The following UBAP1 variants were observed in gnomAD, a reference collection of about 807,000 sequenced individuals.
UBAP1 encodes the protein ubiquitin-associated protein 1.
UBAP1 carries 5 observed loss-of-function variants against 39.0 expected under a neutral mutation model. The ratio of observed to expected loss-of-function variants is 0.13; its 90% CI spans 0.07 to 0.27. The LOEUF (loss-of-function observed/expected upper bound fraction) is 0.27, where lower values mean the gene tolerates loss of function less well. UBAP1 is among the 10% of genes least tolerant of loss of function. The probability of loss-of-function intolerance (pLI) is 1.00; values close to 1 mark genes in which losing one functional copy is unlikely to be tolerated. For synonymous variants in UBAP1, 211 were observed against 225.1 expected (o/e 0.94, Z 0.56); for missense variants, 490 against 608.1 (o/e 0.81, Z 2.04).
At chr9:34,229,222 G>T (rs763039205) in intron 2 of UBAP1, among the ~76,000 whole-genome samples, 1 of 151,814 alleles carries the variant, frequency 6.6e-6, no homozygotes, top group Non-Finnish European at 1.5e-5. Context: ...CTACGTGAAA[G>T]GTAGGCAAGG....
At chr9:34,231,515 A>T (rs1833415778) in intron 2 of UBAP1, among the ~76,000 whole-genome samples, 1 of 150,932 alleles carries the variant, frequency 6.6e-6, no homozygotes, top group East Asian at 2.0e-4. Flanking sequence ...GGCCAAAAGC[A>T]TGTCTTTATT....
At chr9:34,195,266 A>G (rs549200458) in intron 1 of UBAP1, among the ~76,000 whole-genome samples, 1 of 152,198 alleles carries the variant, frequency 6.6e-6, no homozygotes, top group East Asian at 1.9e-4. Context: ...ATCTAAGGTC[A>G]GAAAGATGTT....
At chr9:34,224,470 C>G (rs1033187810) in intron 2 of UBAP1, 2 of 389,014 alleles carry the variant, frequency 5.1e-6, no homozygotes, top group Non-Finnish European at 9.7e-6. Flanking sequence ...CACGGTATTT[C>G]TTGTTACCTC....
At chr9:34,206,589 AAAAC>A (rs903041971) in intron 1 of UBAP1, among the ~76,000 whole-genome samples, 62 of 150,906 alleles carry the variant, frequency 4.1e-4, no homozygotes, top group Admixed American at 1.1e-3. Context: ...ACTTAAAAAA[AAAAC>A]AAACCAAAAC....
chr9:34,219,672 G>A (rs1041097493), intron 1 of UBAP1, among the ~76,000 whole-genome samples: 1 of 141,322 alleles, frequency 7.1e-6, no homozygotes, highest in Admixed American at 7.1e-5. Context: ...GTTTTGTCTT[G>A]TCTCCCTCCC....
intron 1 of UBAP1, among the ~76,000 whole-genome samples, chr9:34,198,205 C>G (rs552486971): frequency 6.6e-6 from 1 of 152,316 alleles, no homozygotes; most frequent in South Asian, 2.1e-4. Context: ...GCAGGCTGTA[C>G]TCTGGAATTT....
intron 1 of UBAP1, among the ~76,000 whole-genome samples, chr9:34,194,535 C>T (rs975110473): frequency 8.6e-5 from 13 of 152,034 alleles, no homozygotes; most frequent in South Asian, 2.1e-4. Flanking sequence ...AGGATGGTCT[C>T]GATCTCCCGA....
chr9:34,204,390 A>G (rs1831569012), intron 1 of UBAP1, among the ~76,000 whole-genome samples: 1 of 152,220 alleles, frequency 6.6e-6, no homozygotes, highest in Non-Finnish European at 1.5e-5. Context: ...AAACAAAAAA[A>G]GGGTGTGGAT....
rs187845513 is a variant in UBAP1, at chr9:34,241,121, T to C, written c.160-64T>C. On this transcript the variant is annotated intron_variant, in intron 3 of 6. Coordinates refer to ENST00000297661, the MANE Select transcript of UBAP1 (RefSeq NM_016525.5). ...GCACCAGGAGTGAGGAAGGAGTGAA[T>C]TGGGTGGTGGGGTAAAGATGGCCAC... is the stretch of plus-strand genomic sequence containing the variant. 7 of 1,205,932 alleles carry C rather than the reference T, an allele frequency of 5.8e-6. No homozygotes were observed. The East Asian group carries it at 7.7e-5, about 13-fold the overall frequency. 74.7% of individuals were successfully genotyped at this position (1,205,932 alleles called of 1,614,324 possible).
chr9:34,238,682 AAG>A (rs1240969985), intron 3 of UBAP1, among the ~76,000 whole-genome samples: 1 of 152,184 alleles, frequency 6.6e-6, no homozygotes, highest in Non-Finnish European at 1.5e-5. Context: ...ATTGGGCCAG[AAG>A]AGAGATAGAC....
At chr9:34,224,356 T>C (rs867639990) in intron 2 of UBAP1, 4 of 451,874 alleles carry the variant, frequency 8.9e-6, no homozygotes, top group Middle Eastern at 6.6e-4. Context: ...GGTCTTGTTA[T>C]GGACCAGCTC....
At chr9:34,230,444 A>G (rs764227235) in intron 2 of UBAP1, among the ~76,000 whole-genome samples, 49 of 152,138 alleles carry the variant, frequency 3.2e-4, no homozygotes, top group South Asian at 6.2e-4. Flanking sequence ...CAAAAGACTT[A>G]ATTGTGTGCT....
At chr9:34,236,904 T>A (rs1280600778) in intron 3 of UBAP1, among the ~76,000 whole-genome samples, 1 of 152,036 alleles carries the variant, frequency 6.6e-6, no homozygotes, top group Non-Finnish European at 1.5e-5. Context: ...GCTCATCACC[T>A]CCTCCATGTT....
chr9:34,179,189 G>A lies in UBAP1; in HGVS notation c.-59G>A. On this transcript the variant is annotated 5_prime_UTR_variant, in exon 1 of 7. Transcript: ENST00000297661. ...AGCGGGGACCGAGCCTGGGAGGCCG[G>A]CCGGTGCCAGCACCTTTCGGCTTCT... 8.1e-7 allele frequency: 1 copy of A among 1,236,816 alleles called. No homozygotes were observed. The highest frequency in any genetic ancestry group is 2.4e-4 in the Middle Eastern group (1 of 4,202). The allele number at this position is 1,236,816 out of a possible 1,614,324, so 76.6% of individuals were successfully genotyped here. A position where few individuals can be genotyped will look rare whatever the true frequency, so the allele number is the denominator to read the frequency against.
At chr9:34,211,704 C>T (rs1426401624) in intron 1 of UBAP1, among the ~76,000 whole-genome samples, 1 of 152,122 alleles carries the variant, frequency 6.6e-6, no homozygotes, top group Non-Finnish European at 1.5e-5. Context: ...ATCCCTGCCT[C>T]CTTCAACTTT....
chr9:34,213,342 C>T (rs1832118039), intron 1 of UBAP1, among the ~76,000 whole-genome samples: 1 of 151,990 alleles, frequency 6.6e-6, no homozygotes. Context: ...GAAACCCCGT[C>T]TCATCTAAAA....
At chr9:34,242,247 C>G in intron 4 of UBAP1, 139 bp downstream of exon 4, 2 of 868,954 alleles carry the variant, frequency 2.3e-6, no homozygotes, top group Non-Finnish European at 3.5e-6. Context: ...TGTGATCGTA[C>G]CTTATTGTAG....
At position 34,189,018 on chromosome 9, in the gene UBAP1, A is replaced by G. The variant is rs146875852; in HGVS notation, c.-8+9778A>G. Reference sequence around the variant, plus strand: ...TGCCTGTCTTTTGCTTCATCTCATCATCATGGTCTTGGTCCCAGGTGGGGT... The same window carrying G: ...TGCCTGTCTTTTGCTTCATCTCATCGTCATGGTCTTGGTCCCAGGTGGGGT... On this transcript the variant is annotated intron_variant, in intron 1 of 6. Coordinates refer to ENST00000297661, the MANE Select transcript of UBAP1 (RefSeq NM_016525.5). 1.2e-3 allele frequency among the ~76,000 whole-genome samples: 187 copies of G among 152,118 alleles called. 5 individuals are homozygous for G. The East Asian group carries it at 0.034, about 27-fold the overall frequency.
chr9:34,232,574 A>G (rs1833481081), intron 2 of UBAP1, among the ~76,000 whole-genome samples: 2 of 152,184 alleles, frequency 1.3e-5, no homozygotes, highest in African/African-American at 2.4e-5. Context: ...CATTCCCCCA[A>G]GGGTTGGGAG....
Sources: gnomAD v4.1 joint callset for allele counts (sites outside exome capture counted in the v4.1 genomes callset) on GRCh38, gnomAD v4.1.1 for gene constraint, MANE v1.5 for transcripts, NCBI Gene and HGNC (gene_info 2026-07-23, HGNC 2026-07-21) for gene names.